The following RICTOR variants were observed in gnomAD, a reference collection of about 807,000 sequenced individuals.
The protein encoded by RICTOR is RPTOR independent companion of MTOR complex 2.
Under a neutral mutation model 214.9 loss-of-function variants are expected in RICTOR, and 49 were observed. The ratio of observed to expected loss-of-function variants is 0.23; its 90% CI spans 0.18 to 0.29. RICTOR has a LOEUF of 0.29. Ranked by LOEUF, RICTOR falls within the 10% of genes least tolerant of loss-of-function variation. The pLI, the probability that RICTOR is intolerant of heterozygous loss-of-function variation, is 1.00. For missense variants in RICTOR, 1,625 were observed against 2,047.0 expected (o/e 0.79, Z 3.98); for synonymous variants, 717 against 711.3 (o/e 1.01, Z -0.13).
At chr5:38,981,647 A>G (rs377695890) in intron 8 of RICTOR, 5 of 401,362 alleles carry the variant, frequency 1.2e-5, no homozygotes, top group African/African-American at 4.1e-5. Flanking sequence ...AGATAATACA[A>G]AAATAAAATT....
chr5:38,978,513 C>A, intron 9 of RICTOR, 70 bp downstream of exon 9: 2 of 666,424 alleles, frequency 3.0e-6, no homozygotes, highest in South Asian at 2.5e-5. Context: ...CATGGAATCA[C>A]GCAAACCTAA....
intron 35 of RICTOR, 33 bp from the exon 36 acceptor site, chr5:38,944,602 T>C (rs1377621966): frequency 9.8e-6 from 15 of 1,529,068 alleles, no homozygotes; most frequent in East Asian, 6.8e-5. Flanking sequence ...TTAAATATTA[T>C]CTATGTCACA....
chr5:39,032,409 A>G (rs1756340041), intron 2 of RICTOR, among the ~76,000 whole-genome samples: 1 of 152,226 alleles, frequency 6.6e-6, no homozygotes, highest in African/African-American at 2.4e-5. Context: ...ATGGCAAGTC[A>G]ATCAGTTTAA....
Position 38,953,565 on chromosome 5 carries a change from A to AT in RICTOR, c.2698-13_2698-12insA. The AT allele has an allele frequency of 1.1e-6, 1 of 947,086 alleles. No homozygotes were observed. Among genetic ancestry groups the AT allele is most frequent in the Non-Finnish European group, 1.5e-6 (1 of 654,336 alleles). The allele number at this position is 947,086 out of a possible 1,614,324, so 58.7% of individuals were successfully genotyped here. A position where few individuals can be genotyped will look rare whatever the true frequency, so the allele number is the denominator to read the frequency against. On this transcript the variant is annotated splice_polypyrimidine_tract_variant and intron_variant, in intron 27 of 37. Coordinates refer to ENST00000357387, the MANE Select transcript of RICTOR (RefSeq NM_152756.5). ...TCTGTAATAATATTCTGGAGAAAGA[A>AT]AAAAAAATACCATGAGTAATAATAT... is the stretch of plus-strand genomic sequence containing the variant.
chr5:39,047,061 T>A (rs1757546131), intron 2 of RICTOR, among the ~76,000 whole-genome samples: 1 of 152,160 alleles, frequency 6.6e-6, no homozygotes. Flanking sequence ...TTAATTCATC[T>A]TAAAAAAAAA....
In RICTOR at chr5:38,944,989, C is replaced by T. The variant is rs745508964; in HGVS notation, c.4713G>A (p.Ser1571=). Residue 1571 remains serine, a synonymous_variant, in exon 35 of 38, where the codon TCG becomes TCA. Transcript: ENST00000357387. ...NPLEVVPSKF[S]GISGCSDGVS... is the part of the protein sequence containing the mutation. ...CCCCATCACTGCATCCAGAAATCCC[C>T]GAAAACTTAGAGGGAACCACTTCTA... 16 of 1,613,426 alleles carry T rather than the reference C, an allele frequency of 9.9e-6. No individual in the cohort carries two copies. Among genetic ancestry groups the T allele is most frequent in the African/African-American group, 2.7e-5 (2 of 74,866 alleles).
rs1385842260 is a variant in RICTOR at position 38,947,396 on chromosome 5, T to C, written c.4182A>G (p.Leu1394=). ...LSYASLDKED[L]LSPINQNTLQ... ...GGGTATTTTGATTAATAGGACTCAATAAATCTTCTTTATCTAATGATGCAT... is the reference window on the plus strand; with the variant it reads ...GGGTATTTTGATTAATAGGACTCAACAAATCTTCTTTATCTAATGATGCAT... The change falls in exon 32 of 38, where the codon TTA becomes TTG. Residue 1394 remains leucine (L), a synonymous_variant. Transcript: ENST00000357387. 2 of 1,612,168 alleles carry C rather than the reference T, an allele frequency of 1.2e-6. No homozygotes were observed. Among genetic ancestry groups the C allele is most frequent in the South Asian group, 1.1e-5 (1 of 91,018 alleles).
chr5:39,056,334 T>C (rs1231561124), intron 2 of RICTOR, among the ~76,000 whole-genome samples: 2 of 151,948 alleles, frequency 1.3e-5, no homozygotes, highest in African/African-American at 2.4e-5. Context: ...ACAAGGGCTA[T>C]GAAAGAAAAA....
At chr5:38,979,041 T>C (rs1284076086) in intron 8 of RICTOR, among the ~76,000 whole-genome samples, 1 of 152,220 alleles carries the variant, frequency 6.6e-6, no homozygotes, top group South Asian at 2.1e-4. Context: ...AAAATTTAAA[T>C]AGTTCTATTA....
chr5:38,946,421 T>G (rs758291279), intron 33 of RICTOR, 47 bp downstream of exon 33: 98 of 1,212,428 alleles, frequency 8.1e-5, no homozygotes, highest in Non-Finnish European at 1.2e-4. Context: ...AGAGTTTTCT[T>G]TTTAATATAA....
chr5:38,949,099 A>G (rs908658373), intron 31 of RICTOR, among the ~76,000 whole-genome samples: 2 of 152,086 alleles, frequency 1.3e-5, no homozygotes, highest in Non-Finnish European at 2.9e-5. Context: ...TATAGGTACA[A>G]AATTTTTTTG....
At chr5:39,025,911 T>C (rs1377348589) in intron 2 of RICTOR, among the ~76,000 whole-genome samples, 1 of 152,228 alleles carries the variant, frequency 6.6e-6, no homozygotes, top group South Asian at 2.1e-4. Context: ...AGCTGCAGTC[T>C]GTCAACCCTT....
At chr5:39,017,488 C>T (rs1755050394) in intron 3 of RICTOR, among the ~76,000 whole-genome samples, 1 of 151,930 alleles carries the variant, frequency 6.6e-6, no homozygotes, top group African/African-American at 2.4e-5. Context: ...AATACATGCC[C>T]ATACTTTTGA....
chr5:38,962,580 C>G lies in RICTOR; in HGVS notation c.1573G>C (p.Glu525Gln). The change falls in exon 18 of 38, where the codon GAG becomes CAG. Residue 525 changes from glutamate (E) to glutamine (Q), a missense_variant. Around this residue, in one of 5 missense-constraint regions of RICTOR, gnomAD observed 1,214 missense variants for 1,470.5 expected, o/e 0.83. Transcript: ENST00000357387. ...QKDIFILKDT[E>Q]EALLINLRDS... ...CTAAGGTTAATTAAAAGAGCTTCCT[C>G]TGTATCCTAAAATCATCAGAAAGTA... The G allele has an allele frequency of 6.6e-7, 1 of 1,507,200 alleles. No homozygotes were observed. Among genetic ancestry groups the G allele is most frequent in the Non-Finnish European group, 9.1e-7 (1 of 1,103,012 alleles). The allele number at this position is 1,507,200 out of a possible 1,614,324, so 93.4% of individuals were successfully genotyped here.
chr5:38,979,415 A>C (rs1379181262), intron 8 of RICTOR, among the ~76,000 whole-genome samples: 2 of 152,214 alleles, frequency 1.3e-5, no homozygotes, highest in Non-Finnish European at 2.9e-5. Context: ...TACTTTTAAC[A>C]GTCATGATTC....
chr5:38,962,047 A>G (rs1350146812), intron 19 of RICTOR, among the ~76,000 whole-genome samples: 1 of 152,074 alleles, frequency 6.6e-6, no homozygotes, highest in Admixed American at 6.6e-5. Context: ...TATACAATTG[A>G]TACTACCCCA....
At chr5:39,053,574 G>A (rs985519464) in intron 2 of RICTOR, among the ~76,000 whole-genome samples, 3 of 152,156 alleles carry the variant, frequency 2.0e-5, no homozygotes, top group Non-Finnish European at 2.9e-5. Flanking sequence ...TTAAATAAAT[G>A]TTTATTAAAT....
chr5:39,021,927 A>C (rs1472294077), intron 2 of RICTOR, among the ~76,000 whole-genome samples: 1 of 152,152 alleles, frequency 6.6e-6, no homozygotes, highest in East Asian at 1.9e-4. Context: ...AAATTAGATA[A>C]AATATATAGA....
rs1390328107 is a variant in RICTOR, at chr5:38,960,436, C to A, written c.1813G>T (p.Gly605Cys). ...AGAAGAAATTCTGTAAACTGGCAAC[C>A]TACAACCGTGAGCTGTTTGGCCTTG... The part of the protein sequence containing the change: ...FAKAKQLTVV[G>C]CQFTEFLLES... Residue 605 changes from glycine (G) to cysteine (C), a missense_variant, in exon 20 of 38, where the codon GGT (glycine) becomes TGT (cysteine). This residue lies in a region of RICTOR where 1,214 missense variants were observed against 1,470.5 expected (regional missense o/e 0.83). Coordinates refer to ENST00000357387, the MANE Select transcript of RICTOR (RefSeq NM_152756.5). 1.1e-5 allele frequency: 17 copies of A among 1,613,878 alleles called. No individual in the cohort carries two copies. The highest frequency in any genetic ancestry group is 1.4e-5 in the Non-Finnish European group (16 of 1,179,790).
Sources: gnomAD v4.1 joint callset for allele counts (sites outside exome capture counted in the v4.1 genomes callset) on GRCh38, gnomAD v4.1.1 for gene constraint, gnomAD v4.1.1 regional missense constraint, MANE v1.5 for transcripts, NCBI Gene and HGNC (gene_info 2026-07-23, HGNC 2026-07-21) for gene names.